Variants in DNAAF9 observed in about 807,000 individuals in gnomAD.
The protein encoded by DNAAF9 is shulin.
DNAAF9 carries 90 observed loss-of-function variants against 167.0 expected under a neutral mutation model. That is an observed-to-expected ratio of 0.54 (90% CI 0.45 to 0.64). DNAAF9 has a LOEUF of 0.64. Ranked by LOEUF, DNAAF9 falls within the 30% of genes least tolerant of loss-of-function variation. The pLI is 0.00. For synonymous variants in DNAAF9, 491 were observed against 508.8 expected (o/e 0.96, Z 0.47); for missense variants, 1,315 against 1,442.2 (o/e 0.91, Z 1.43).
rs1304002307 is a variant in DNAAF9, at chr20:3,344,622, C to T, written c.790-891G>A. Among the ~76,000 whole-genome samples the T allele has an allele frequency of 2.6e-4, 39 of 149,490 alleles. 1 individual carries two copies. In the East Asian group the frequency reaches 5.6e-3, roughly 22 times the overall value. On this transcript the variant is annotated intron_variant, in intron 8 of 36. Transcript: ENST00000252032. ...ACACACACACACACACACACACACA[C>T]ACACACACACACACACACCTCATGT...
At chr20:3,402,442 T>G (rs1329417392) in intron 1 of DNAAF9, among the ~76,000 whole-genome samples, 1 of 152,214 alleles carries the variant, frequency 6.6e-6, no homozygotes, top group African/African-American at 2.4e-5. Context: ...TCATTAACTA[T>G]AGTTACCATG....
At position 3,372,539 on chromosome 20, in the gene DNAAF9, C is replaced by T. The variant is rs549372728; in HGVS notation, c.612+1509G>A. Among the ~76,000 whole-genome samples the T allele has an allele frequency of 7.2e-5, 11 of 152,232 alleles. No homozygotes were observed. The East Asian group carries it at 7.7e-4, about 11-fold the overall frequency. On this transcript the variant is annotated intron_variant, in intron 6 of 36. Coordinates refer to ENST00000252032, the MANE Select transcript of DNAAF9 (RefSeq NM_001009984.3). ...AAAGGTGTTTTTTGGAAGGAGATAACGTTCTTTTTGAATGTGACTTCATAG... is the reference window on the plus strand; with the variant it reads ...AAAGGTGTTTTTTGGAAGGAGATAATGTTCTTTTTGAATGTGACTTCATAG...
chr20:3,317,378 A>C (rs1018296871), intron 17 of DNAAF9, among the ~76,000 whole-genome samples: 3 of 143,218 alleles, frequency 2.1e-5, no homozygotes, highest in African/African-American at 5.2e-5. Context: ...AAAAAAAAAA[A>C]AAACCCCAAA....
At chr20:3,403,559 T>C (rs1443186228) in intron 1 of DNAAF9, among the ~76,000 whole-genome samples, 1 of 149,658 alleles carries the variant, frequency 6.7e-6, no homozygotes, top group African/African-American at 2.5e-5. Flanking sequence ...CATTCCATCT[T>C]ACCTACTCAA....
At position 3,249,576 on chromosome 20, in the gene DNAAF9, T is replaced by C. The variant is rs902772427; in HGVS notation, c.*2996A>G. 5.9e-5 allele frequency: 9 copies of C among 152,192 alleles called. No homozygotes were observed. Among genetic ancestry groups the C allele is most frequent in the Non-Finnish European group, 5.9e-5 (4 of 68,034 alleles). The allele number at this position is 152,192 out of a possible 1,614,324, so 9.4% of individuals were successfully genotyped here. A position where few individuals can be genotyped will look rare whatever the true frequency, so the allele number is the denominator to read the frequency against. ...ATATTAAAGCACTGAAAAACTAGTA[T>C]AAAAGTGAATTTTGGCACGTAAGTG... On this transcript the variant is annotated 3_prime_UTR_variant, in exon 37 of 37. Transcript: ENST00000252032.
At chr20:3,324,494 T>C (rs1167343163) in intron 14 of DNAAF9, among the ~76,000 whole-genome samples, 1 of 152,046 alleles carries the variant, frequency 6.6e-6, no homozygotes, top group African/African-American at 2.4e-5. Context: ...GTTTCTGTCA[T>C]TCAAGAGACA....
chr20:3,345,778 G>T (rs141770953), intron 8 of DNAAF9, among the ~76,000 whole-genome samples: 21 of 152,138 alleles, frequency 1.4e-4, no homozygotes, highest in African/African-American at 4.3e-4. Flanking sequence ...TGACAAATAT[G>T]GAAAAAGTAT....
chr20:3,279,452 T>G (rs2068729774), intron 28 of DNAAF9, among the ~76,000 whole-genome samples: 1 of 152,156 alleles, frequency 6.6e-6, no homozygotes, highest in African/African-American at 2.4e-5. Context: ...GAATTACAAG[T>G]GAAGCAAGAG....
At chr20:3,263,766 G>A (rs564506091) in intron 31 of DNAAF9, among the ~76,000 whole-genome samples, 1 of 152,344 alleles carries the variant, frequency 6.6e-6, no homozygotes, top group Admixed American at 6.5e-5. Context: ...AAGCTATGAA[G>A]CACTTGAAAT....
At chr20:3,361,633 C>T (rs2083366445) in intron 6 of DNAAF9, among the ~76,000 whole-genome samples, 2 of 152,160 alleles carry the variant, frequency 1.3e-5, no homozygotes, top group Admixed American at 6.5e-5. Flanking sequence ...TTTCTTGATC[C>T]CAGAAGTTCA....
chr20:3,352,226 G>A (rs1399508518), intron 7 of DNAAF9, among the ~76,000 whole-genome samples: 1 of 152,092 alleles, frequency 6.6e-6, no homozygotes, highest in African/African-American at 2.4e-5. Context: ...CTTGTAACTG[G>A]TAATCTGCAG....
Position 3,252,418 on chromosome 20 carries a change from A to C in DNAAF9, c.*154T>G. The C allele has an allele frequency of 3.3e-6, 2 of 601,290 alleles. No individual in the cohort carries two copies. The highest frequency in any genetic ancestry group is 6.0e-6 in the Non-Finnish European group (2 of 332,070). The allele number at this position is 601,290 out of a possible 1,614,324, so 37.2% of individuals were successfully genotyped here. A position where few individuals can be genotyped will look rare whatever the true frequency, so the allele number is the denominator to read the frequency against. On this transcript the variant is annotated 3_prime_UTR_variant, in exon 37 of 37. Coordinates refer to ENST00000252032, the MANE Select transcript of DNAAF9 (RefSeq NM_001009984.3). ...GATGCTCTTCAGCGCTATACAGGGA[A>C]TAAAGACAACATGCACTCAAGCCAG...
chr20:3,387,052 T>C (rs976011346), intron 1 of DNAAF9, among the ~76,000 whole-genome samples: 1 of 152,222 alleles, frequency 6.6e-6, no homozygotes, highest in Admixed American at 6.5e-5. Flanking sequence ...TGTTCATGCA[T>C]TGGTAGACAA....
intron 8 of DNAAF9, among the ~76,000 whole-genome samples, chr20:3,344,179 T>G (rs2070146131): frequency 6.6e-6 from 1 of 152,170 alleles, no homozygotes; most frequent in Admixed American, 6.5e-5. Context: ...TATATACAAA[T>G]TCTGCTGTGC....
In DNAAF9 at chr20:3,252,322, C is replaced by T. The variant is rs1291997002; in HGVS notation, c.*250G>A. On this transcript the variant is annotated 3_prime_UTR_variant, in exon 37 of 37. Coordinates refer to ENST00000252032, the MANE Select transcript of DNAAF9 (RefSeq NM_001009984.3). ...CAGAGCTCCTGGACTGCCAGTTGCACACGTAGACGGGCAGGCCCCATCTGC... is the reference window on the plus strand; with the variant it reads ...CAGAGCTCCTGGACTGCCAGTTGCATACGTAGACGGGCAGGCCCCATCTGC... 8.4e-5 allele frequency: 31 copies of T among 369,958 alleles called. 2 individuals are homozygous for T. The highest frequency in any genetic ancestry group is 7.7e-4 in the South Asian group (22 of 28,472). 22.9% of individuals were successfully genotyped at this position (369,958 alleles called of 1,614,324 possible).
chr20:3,406,910 G>A (rs1353567079), intron 1 of DNAAF9, among the ~76,000 whole-genome samples: 3 of 152,076 alleles, frequency 2.0e-5, no homozygotes, highest in Non-Finnish European at 2.9e-5. Context: ...TATGTACGTA[G>A]GGGGCGGGGG....
At chr20:3,321,951 G>T (rs969761182) in intron 16 of DNAAF9, among the ~76,000 whole-genome samples, 1 of 152,172 alleles carries the variant, frequency 6.6e-6, no homozygotes, top group African/African-American at 2.4e-5. Context: ...CCAGAAAGAG[G>T]TGCCTCCCAA....
chr20:3,320,054 G>C (rs2069586138), intron 16 of DNAAF9, among the ~76,000 whole-genome samples: 2 of 152,182 alleles, frequency 1.3e-5, no homozygotes, highest in African/African-American at 4.8e-5. Flanking sequence ...GAAGGGAAGA[G>C]AGGATATTAA....
intron 30 of DNAAF9, among the ~76,000 whole-genome samples, chr20:3,268,606 C>T (rs914171551): frequency 2.6e-5 from 4 of 152,134 alleles, no homozygotes; most frequent in Non-Finnish European, 4.4e-5. Context: ...GGATTACAGG[C>T]GTGAGCCACT....
Sources: allele counts gnomAD v4.1 joint callset (sites outside exome capture counted in the v4.1 genomes callset), GRCh38; gene constraint gnomAD v4.1.1; transcripts MANE v1.5; gene names NCBI Gene and HGNC (gene_info 2026-07-23, HGNC 2026-07-21).